TLR4: variants seen among roughly 807,000 people sequenced by gnomAD.
TLR4 encodes the protein toll-like receptor 4.
In TLR4, 17 loss-of-function variants were observed where a neutral mutation model predicts 27.4. The ratio of observed to expected loss-of-function variants is 0.62; its 90% CI spans 0.42 to 0.93. The LOEUF is 0.93. TLR4 is among the 40% of genes least tolerant of loss of function. TLR4 has a pLI of 0.00. For missense variants in TLR4, 926 were observed against 962.3 expected (o/e 0.96, Z 0.50); for synonymous variants, 363 against 365.7 (o/e 0.99, Z 0.08).
Position 117,714,220 on chromosome 9 carries a change from G to A in TLR4, c.2092G>A (p.Glu698Lys), listed in dbSNP as rs138158233. Reference protein sequence around the residue: ...VRNELVKNLEEGVPPFQLCLH... With the variant: ...VRNELVKNLEKGVPPFQLCLH... ...GAATGAGCTAGTAAAGAATTTAGAA[G>A]AAGGGGTGCCTCCATTTCAGCTCTG... The change falls in exon 3 of 3, where the codon GAA becomes AAA. Residue 698 changes from glutamate (E) to lysine (K), a missense_variant. Glu to Lys is a moderately conservative substitution (Grantham distance 56). Coordinates refer to ENST00000355622, the MANE Select transcript of TLR4 (RefSeq NM_138554.5). 6.2e-7 allele frequency: 1 copy of A among 1,606,222 alleles called. No individual in the cohort carries two copies. The highest frequency in any genetic ancestry group is 1.3e-5 in the African/African-American group (1 of 74,738).
chr9:117,704,568 A>G lies in TLR4; in HGVS notation c.93+3A>G, dbSNP rs374240587. The G allele has an allele frequency of 7.4e-6, 12 of 1,613,222 alleles. No homozygotes were observed. The highest frequency in any genetic ancestry group is 2.7e-5 in the African/African-American group (2 of 74,868). On this transcript the variant is annotated splice_donor_region_variant and intron_variant, in intron 1 of 2. Transcript: ENST00000355622. The stretch of plus-strand genomic sequence containing the variant: ...AAAGCTGGGAGCCCTGCGTGGAGGT[A>G]TGTGGCTGGAGTCAGCTCCTCTGAA...
Position 117,714,561 on chromosome 9 carries a change from C to G in TLR4, c.2433C>G (p.Leu811=), listed in dbSNP as rs768368640. 4 of 1,613,738 alleles carry G rather than the reference C, an allele frequency of 2.5e-6. No individual in the cohort carries two copies. Among genetic ancestry groups the G allele is most frequent in the East Asian group, 4.5e-5 (2 of 44,892 alleles). The change falls in exon 3 of 3, where the codon CTC becomes CTG. Residue 811 remains leucine, a synonymous_variant. Transcript: ENST00000355622. ...VLGRHIFWRR[L]RKALLDGKSW... Reference sequence around the variant, plus strand: ...GGCGGCACATCTTCTGGAGACGACTCAGAAAAGCCCTGCTGGATGGTAAAT... The same window carrying G: ...GGCGGCACATCTTCTGGAGACGACTGAGAAAAGCCCTGCTGGATGGTAAAT...
Position 117,724,491 on chromosome 9 carries a change from TTCTTCCTTTCTTG to T in TLR4, c.*9847_*9859del, listed in dbSNP as rs1829456685. On this transcript the variant is annotated 3_prime_UTR_variant, in exon 3 of 3. Transcript: ENST00000355622. ...GATGTTCATTTTCTCCTTGCTCTCT[TTCTTCCTTTCTTG>T]TCTGTGAACTCCATTAACCGCTTCT... 1 of 152,210 alleles carries T rather than the reference TTCTTCCTTTCTTG, an allele frequency of 6.6e-6. No homozygotes were observed. The highest frequency in any genetic ancestry group is 2.1e-4 in the South Asian group (1 of 4,830). The allele number at this position is 152,210 out of a possible 1,614,324, so 9.4% of individuals were successfully genotyped here.
rs558901923 is a variant in TLR4 at position 117,723,246 on chromosome 9, C to A, written c.*8598C>A. On this transcript the variant is annotated 3_prime_UTR_variant, in exon 3 of 3. Coordinates refer to ENST00000355622, the MANE Select transcript of TLR4 (RefSeq NM_138554.5). ...AACATGTGGTTTTAGCGTTCTAAAC[C>A]TGATGATGCTATATCAAAACGGGAG... 1 of 152,294 alleles carries A rather than the reference C, an allele frequency of 6.6e-6. No homozygotes were observed. The highest frequency in any genetic ancestry group is 2.1e-4 in the South Asian group (1 of 4,830). 9.4% of individuals were successfully genotyped at this position (152,294 alleles called of 1,614,324 possible). A position where few individuals can be genotyped will look rare whatever the true frequency, so the allele number is the denominator to read the frequency against.
Position 117,714,346 on chromosome 9 carries a change from C to G in TLR4, c.2218C>G (p.His740Asp). The change falls in exon 3 of 3, where the codon CAC (histidine) becomes GAC (aspartate). Residue 740 changes from histidine to aspartate, a missense_variant. Transcript: ENST00000355622. ...SRKVIVVVSQ[H>D]FIQSRWCIFE... ...AAAGGTGATTGTTGTGGTGTCCCAG[C>G]ACTTCATCCAGAGCCGCTGGTGTAT... 6.2e-7 allele frequency: 1 copy of G among 1,601,306 alleles called. No individual in the cohort carries two copies. Among genetic ancestry groups the G allele is most frequent in the African/African-American group, 1.3e-5 (1 of 74,792 alleles).
At chr9:117,704,604 C>T (rs1267724727) in intron 1 of TLR4, 39 bp downstream of exon 1, 1 of 1,568,206 alleles carries the variant, frequency 6.4e-7, no homozygotes, top group African/African-American at 1.4e-5. Context: ...CTTTCCCTCA[C>T]TTCTGCCCAG....
At position 117,713,906 on chromosome 9, in the gene TLR4, G is replaced by C; in HGVS notation, c.1778G>C (p.Trp593Ser). The change falls in exon 3 of 3, where the codon TGG becomes TCG. Residue 593 changes from tryptophan to serine, a missense_variant. Transcript: ENST00000355622. Reference protein sequence around the residue: ...CTCEHQSFLQWIKDQRQLLVE... With the variant: ...CTCEHQSFLQSIKDQRQLLVE... ...TGTGAACACCAGAGTTTCCTGCAAT[G>C]GATCAAGGACCAGAGGCAGCTCTTG... is the stretch of plus-strand genomic sequence containing the variant. The C allele has an allele frequency of 6.2e-7, 1 of 1,613,962 alleles. No homozygotes were observed. Among genetic ancestry groups the C allele is most frequent in the Non-Finnish European group, 8.5e-7 (1 of 1,179,994 alleles).
rs1464990157 is a variant in TLR4, at chr9:117,723,681, C to T, written c.*9033C>T. ...ATATCTTCCATTTTGCCTACATATT[C>T]CAAAAGCTTTTAAATTAAGCTATAT... On this transcript the variant is annotated 3_prime_UTR_variant, in exon 3 of 3. Transcript: ENST00000355622. The T allele has an allele frequency of 6.6e-6, 1 of 152,142 alleles. No homozygotes were observed. Among genetic ancestry groups the T allele is most frequent in the Non-Finnish European group, 1.5e-5 (1 of 68,022 alleles). The allele number at this position is 152,142 out of a possible 1,614,324, so 9.4% of individuals were successfully genotyped here. A position where few individuals can be genotyped will look rare whatever the true frequency, so the allele number is the denominator to read the frequency against.
Position 117,723,081 on chromosome 9 carries a change from C to G in TLR4, c.*8433C>G, listed in dbSNP as rs767578235. The G allele has an allele frequency of 6.6e-6, 1 of 152,134 alleles. No homozygotes were observed. The highest frequency in any genetic ancestry group is 6.5e-5 in the Admixed American group (1 of 15,280). 9.4% of individuals were successfully genotyped at this position (152,134 alleles called of 1,614,324 possible). The stretch of plus-strand genomic sequence containing the variant: ...ACGGCTGCTGAGGGTCAGGCCAGCT[C>G]TCTGACATTCTAGCATGTTCACATC... On this transcript the variant is annotated 3_prime_UTR_variant, in exon 3 of 3. Coordinates refer to ENST00000355622, the MANE Select transcript of TLR4 (RefSeq NM_138554.5).
Position 117,712,705 on chromosome 9 carries a change from A to G in TLR4, c.577A>G (p.Thr193Ala). The change falls in exon 3 of 3, where the codon ACA becomes GCA. Residue 193 changes from threonine (T) to alanine (A), a missense_variant. Thr to Ala is a moderately conservative substitution (Grantham distance 58, BLOSUM62 0). Coordinates refer to ENST00000355622, the MANE Select transcript of TLR4 (RefSeq NM_138554.5). ...CAACAAGATTCAAAGTATTTATTGC[A>G]CAGACTTGCGGGTTCTACATCAAAT... The part of the protein sequence containing the change: ...SSNKIQSIYC[T>A]DLRVLHQMPL... The G allele has an allele frequency of 6.2e-7, 1 of 1,614,162 alleles. No individual in the cohort carries two copies. The highest frequency in any genetic ancestry group is 8.5e-7 in the Non-Finnish European group (1 of 1,180,010).
intron 1 of TLR4, 58 bp downstream of exon 1, chr9:117,704,623 A>G: frequency 7.0e-7 from 1 of 1,419,260 alleles, no homozygotes; most frequent in Non-Finnish European, 9.9e-7. Flanking sequence ...AGAACTTCTC[A>G]CTGTGTGCCC....
intron 1 of TLR4, chr9:117,708,139 A>G (rs1829166987): frequency 1.0e-6 from 1 of 962,962 alleles, no homozygotes; most frequent in Non-Finnish European, 1.3e-6. Flanking sequence ...TTTACATATG[A>G]TAAAATGAGG....
rs917000574 is a variant in TLR4 at position 117,712,963 on chromosome 9, G to A, written c.835G>A (p.Gly279Ser). 1 of 1,614,000 alleles carries A rather than the reference G, an allele frequency of 6.2e-7. No homozygotes were observed. The highest frequency in any genetic ancestry group is 1.7e-5 in the Admixed American group (1 of 60,002). ...AAAGTTTGACAAATCTGCTCTAGAG[G>A]GCCTGTGCAATTTGACCATTGAAGA... ...LEKFDKSALE[G>S]LCNLTIEEFR... Residue 279 changes from glycine (G) to serine (S), a missense_variant, in exon 3 of 3, where the codon GGC (glycine) becomes AGC (serine). Transcript: ENST00000355622.
In TLR4 at chr9:117,719,330, A is replaced by G. The variant is rs1230835580; in HGVS notation, c.*4682A>G. On this transcript the variant is annotated 3_prime_UTR_variant, in exon 3 of 3. Coordinates refer to ENST00000355622, the MANE Select transcript of TLR4 (RefSeq NM_138554.5). The stretch of plus-strand genomic sequence containing the variant: ...GTCTGAGTCTGGGAGTCATTCTGTC[A>G]TGTGTCCACTGTCACCTGCTCATTG... 6.6e-6 allele frequency: 1 copy of G among 152,114 alleles called. No homozygotes were observed. Among genetic ancestry groups the G allele is most frequent in the Non-Finnish European group, 1.5e-5 (1 of 68,032 alleles). The allele number at this position is 152,114 out of a possible 1,614,324, so 9.4% of individuals were successfully genotyped here.
rs982469916 is a variant in TLR4, at chr9:117,722,691, G to A, written c.*8043G>A. ...ACAGCGATAGAGGTAGTGAGGTTTA[G>A]GATTCAGGTCTGCCACCGGGAGCGC... On this transcript the variant is annotated 3_prime_UTR_variant, in exon 3 of 3. Coordinates refer to ENST00000355622, the MANE Select transcript of TLR4 (RefSeq NM_138554.5). The A allele has an allele frequency of 1.3e-5, 2 of 152,194 alleles. No individual in the cohort carries two copies. The highest frequency in any genetic ancestry group is 4.8e-5 in the African/African-American group (2 of 41,434). 9.4% of individuals were successfully genotyped at this position (152,194 alleles called of 1,614,324 possible). A position where few individuals can be genotyped will look rare whatever the true frequency, so the allele number is the denominator to read the frequency against.
chr9:117,706,625 T>G (rs1168869277), intron 1 of TLR4, among the ~76,000 whole-genome samples: 1 of 152,230 alleles, frequency 6.6e-6, no homozygotes, highest in African/African-American at 2.4e-5. Context: ...TTCCACTCTT[T>G]ACGTGCTCAC....
At position 117,704,428 on chromosome 9, in the gene TLR4, C is replaced by T. The variant is rs753490110; in HGVS notation, c.-45C>T. On this transcript the variant is annotated 5_prime_UTR_variant, in exon 1 of 3. Coordinates refer to ENST00000355622, the MANE Select transcript of TLR4 (RefSeq NM_138554.5). ...AGACGGTGATAGCGAGCCACGCATT[C>T]ACAGGGCCACTGCTGCTCACAGAAG... 6 of 1,579,272 alleles carry T rather than the reference C, an allele frequency of 3.8e-6. No homozygotes were observed. In the East Asian group the frequency reaches 1.1e-4, roughly 29 times the overall value.
In TLR4 at chr9:117,723,735, C is replaced by A. The variant is rs1829448047; in HGVS notation, c.*9087C>A. 6.6e-6 allele frequency: 1 copy of A among 152,200 alleles called. No homozygotes were observed. The highest frequency in any genetic ancestry group is 2.1e-4 in the South Asian group (1 of 4,830). 9.4% of individuals were successfully genotyped at this position (152,200 alleles called of 1,614,324 possible). On this transcript the variant is annotated 3_prime_UTR_variant, in exon 3 of 3. Coordinates refer to ENST00000355622, the MANE Select transcript of TLR4 (RefSeq NM_138554.5). ...ATTCTTACAGGAGTCTCCTCTATTT[C>A]AGCAATGTGTATACTTGGTCAGTTT...
rs202089517 is a variant in TLR4 at position 117,713,348 on chromosome 9, G to C, written c.1220G>C (p.Ser407Thr). The C allele has an allele frequency of 1.2e-5, 20 of 1,614,082 alleles. No homozygotes were observed. Among genetic ancestry groups the C allele is most frequent in the Non-Finnish European group, 1.6e-5 (19 of 1,180,008 alleles). The change falls in exon 3 of 3, where the codon AGC becomes ACC. Residue 407 changes from serine (S) to threonine (T), a missense_variant. Transcript: ENST00000355622. ...ACCAGCCTAAAGTATTTAGATCTGA[G>C]CTTCAATGGTGTTATTACCATGAGT... is the stretch of plus-strand genomic sequence containing the variant. ...GTTSLKYLDL[S>T]FNGVITMSSN...
Sources: gnomAD v4.1 joint callset for allele counts (sites outside exome capture counted in the v4.1 genomes callset) on GRCh38, gnomAD v4.1.1 for gene constraint, MANE v1.5 for transcripts, NCBI Gene and HGNC (gene_info 2026-07-23, HGNC 2026-07-21) for gene names.